Variants in ZNF622 observed in about 807,000 individuals in gnomAD.
ZNF622 encodes the protein zinc finger protein 622.
A neutral mutation model predicts 49.7 loss-of-function variants in ZNF622; 34 were observed. The observed-to-expected ratio is 0.68, with a 90% CI of 0.52 to 0.91. The LOEUF (loss-of-function observed/expected upper bound fraction) is 0.91. ZNF622 is among the 40% of genes least tolerant of loss of function. ZNF622 has a pLI of 0.00. For missense variants in ZNF622, 569 were observed against 616.4 expected (o/e 0.92, Z 0.81); for synonymous variants, 209 against 228.7 (o/e 0.91, Z 0.78).
chr5:16,458,255 TA>T (rs55760045), intron 4 of ZNF622, among the ~76,000 whole-genome samples: 24,384 of 119,144 alleles, frequency 0.2, 2,930 homozygotes, highest in African/African-American at 0.4. Context: ...GGTCTACATC[TA>T]AAAAAAAAAA....
chr5:16,457,536 C>A (rs1402705018), intron 4 of ZNF622, among the ~76,000 whole-genome samples: 2 of 152,164 alleles, frequency 1.3e-5, no homozygotes, highest in Non-Finnish European at 2.9e-5. Flanking sequence ...TCTGCCTGAC[C>A]TTTCCTCCTA....
chr5:16,463,212 G>A lies in ZNF622; in HGVS notation c.945C>T (p.Phe315=), dbSNP rs781595136. 1.2e-6 allele frequency: 2 copies of A among 1,613,504 alleles called. No homozygotes were observed. Among genetic ancestry groups the A allele is most frequent in the Non-Finnish European group, 8.5e-7 (1 of 1,179,962 alleles). ...GTGCCTGTACAGCTTCTGTGGAGTA[G>A]AAGGACTTCCCTTTCTCGTTGCACC... The part of the protein sequence containing the change: ...CLWCNEKGKS[F]YSTEAVQAHM... The change falls in exon 3 of 6, where the codon TTC becomes TTT. Residue 315 remains phenylalanine, a synonymous_variant. Transcript: ENST00000308683. This position sits in a 1 kb window ranked among gnomAD's most constrained non-coding sequence, Gnocchi z 4.2.
intron 4 of ZNF622, among the ~76,000 whole-genome samples, chr5:16,457,280 TA>T (rs1738042060): frequency 6.6e-6 from 1 of 152,220 alleles, no homozygotes; most frequent in Admixed American, 6.5e-5. Flanking sequence ...ACTTAAGGTC[TA>T]TGGTTATCTG....
At chr5:16,464,916 C>CCGG in intron 1 of ZNF622, 125 bp downstream of exon 1, 1 of 1,283,308 alleles carries the variant, frequency 7.8e-7, no homozygotes, top group Non-Finnish European at 1.1e-6. Flanking sequence ...TCTAAACCAC[C>CCGG]TTCCCTCATC....
intron 4 of ZNF622, among the ~76,000 whole-genome samples, chr5:16,454,428 C>A (rs968312653): frequency 1.6e-5 from 2 of 125,340 alleles, no homozygotes; most frequent in South Asian, 5.4e-4. Context: ...GCGGAGCTTG[C>A]GGTGAGCCAA....
rs778641976 is a variant in ZNF622, at chr5:16,463,435, CAAT to C, written c.886+44_886+46del. 7 of 1,562,212 alleles carry C rather than the reference CAAT, an allele frequency of 4.5e-6. No individual in the cohort carries two copies. In the Admixed American group the frequency reaches 5.4e-5, roughly 12 times the overall value. On this transcript the variant is annotated intron_variant, in intron 2 of 5. Transcript: ENST00000308683. This position sits in a 1 kb window ranked among gnomAD's most constrained non-coding sequence, Gnocchi z 4.2. ...TAATGTTCCCTTGAGACCAGTCCCC[CAAT>C]AATGTGATTATTTCCTCATTAAAAG...
intron 4 of ZNF622, among the ~76,000 whole-genome samples, chr5:16,453,533 G>GTT (rs1420046004): frequency 7.6e-6 from 1 of 131,962 alleles, no homozygotes; most frequent in Non-Finnish European, 1.6e-5. Flanking sequence ...GATTTTTAGC[G>GTT]TTTTATATAT....
intron 1 of ZNF622, among the ~76,000 whole-genome samples, chr5:16,464,261 C>T (rs144920706): frequency 4.6e-5 from 7 of 152,180 alleles, no homozygotes; most frequent in Admixed American, 1.3e-4. Flanking sequence ...AAGCACTAAT[C>T]CTGAATAAAT....
chr5:16,458,045 G>T (rs2126492133), intron 4 of ZNF622, among the ~76,000 whole-genome samples: 1 of 151,922 alleles, frequency 6.6e-6, no homozygotes, highest in Admixed American at 6.5e-5. Context: ...CACATTCATG[G>T]TTATTCTTCA....
chr5:16,454,488 C>CAG (rs750911826), intron 4 of ZNF622, among the ~76,000 whole-genome samples: 4 of 66,714 alleles, frequency 6.0e-5, no homozygotes, highest in African/African-American at 1.9e-4. Context: ...ACTCCGTCTC[C>CAG]AAAAAAAAAA....
At chr5:16,458,674 T>C in intron 3 of ZNF622, 45 bp from the exon 4 acceptor site, 1 of 1,392,670 alleles carries the variant, frequency 7.2e-7, no homozygotes, top group South Asian at 1.3e-5. Flanking sequence ...ATATCTCAAA[T>C]TGAACTAAAA....
chr5:16,461,864 G>A (rs1332468860), intron 3 of ZNF622, among the ~76,000 whole-genome samples: 2 of 152,184 alleles, frequency 1.3e-5, no homozygotes, highest in Non-Finnish European at 2.9e-5. Context: ...AAATCTATGA[G>A]ACTGGGTAGG....
intron 4 of ZNF622, among the ~76,000 whole-genome samples, chr5:16,454,653 G>T (rs975428549): frequency 6.6e-6 from 1 of 152,144 alleles, no homozygotes; most frequent in Non-Finnish European, 1.5e-5. Flanking sequence ...TAATCTAGGG[G>T]TGGCAAACTA....
chr5:16,463,475 T>C lies in ZNF622; in HGVS notation c.886+7A>G. 6.2e-7 allele frequency: 1 copy of C among 1,608,910 alleles called. No individual in the cohort carries two copies. Among genetic ancestry groups the C allele is most frequent in the Non-Finnish European group, 8.5e-7 (1 of 1,176,042 alleles). ...TTCCTCATTAAAAGGAAAACTATTG[T>C]ACTTACCCAAGTATTTAATCAGTCC... On this transcript the variant is annotated splice_region_variant and intron_variant, in intron 2 of 5. Transcript: ENST00000308683. This position sits in a 1 kb window ranked among gnomAD's most constrained non-coding sequence, Gnocchi z 4.2.
rs1738149548 is a variant in ZNF622, at chr5:16,463,171, C to A, written c.986G>T (p.Ser329Ile). The A allele has an allele frequency of 6.2e-7, 1 of 1,614,008 alleles. No homozygotes were observed. The highest frequency in any genetic ancestry group is 1.7e-4 in the Middle Eastern group (1 of 6,058). ...GCCATCTGTGAAGAGCTTACAGTGG[C>A]TTTTGTCATTCATATGTGCCTGTAC... is the stretch of plus-strand genomic sequence containing the variant. ...EAVQAHMNDK[S>I]HCKLFTDGDA... Residue 329 changes from serine (S) to isoleucine (I), a missense_variant, in exon 3 of 6, where the codon AGC becomes ATC. Physicochemically the swap from Ser to Ile is moderately radical, Grantham distance 142 (BLOSUM62 -2). Coordinates refer to ENST00000308683, the MANE Select transcript of ZNF622 (RefSeq NM_033414.3). This position sits in a 1 kb window ranked among gnomAD's most constrained non-coding sequence, Gnocchi z 4.2.
chr5:16,455,871 C>T (rs1459940332), intron 4 of ZNF622, among the ~76,000 whole-genome samples: 1 of 152,162 alleles, frequency 6.6e-6, no homozygotes. Context: ...TCAGAGCTCC[C>T]CCTACCCTGT....
intron 4 of ZNF622, among the ~76,000 whole-genome samples, chr5:16,456,155 TG>T (rs1321201578): frequency 6.6e-6 from 1 of 152,166 alleles, no homozygotes; most frequent in Non-Finnish European, 1.5e-5. Context: ...TGGAGTGCAG[TG>T]GCGTGATCAT....
chr5:16,454,343 C>A (rs1336225286), intron 4 of ZNF622, among the ~76,000 whole-genome samples: 1 of 151,852 alleles, frequency 6.6e-6, no homozygotes, highest in Non-Finnish European at 1.5e-5. Flanking sequence ...AAAAAATTAG[C>A]CGGGCGTGGT....
chr5:16,463,739 C>G lies in ZNF622; in HGVS notation c.629G>C (p.Trp210Ser), dbSNP rs1220666831. The G allele has an allele frequency of 6.2e-7, 1 of 1,610,196 alleles. No individual in the cohort carries two copies. The highest frequency in any genetic ancestry group is 8.5e-7 in the Non-Finnish European group (1 of 1,178,008). Residue 210 changes from tryptophan to serine, a missense_variant, in exon 2 of 6, where the codon TGG (tryptophan) becomes TCG (serine). By Grantham distance (177) the Trp-to-Ser change is radical (BLOSUM62 -3). Transcript: ENST00000308683. This position sits in a 1 kb window ranked among gnomAD's most constrained non-coding sequence, Gnocchi z 4.2. ...TTCTTCATCAGAATCAATATCTTCCCAATCTGCAAGCCAGAATTTTGAAAT... is the reference window on the plus strand; with the variant it reads ...TTCTTCATCAGAATCAATATCTTCCGAATCTGCAAGCCAGAATTTTGAAAT... ...EEEEDLDGDD[W>S]EDIDSDEELE...
Sources: allele counts gnomAD v4.1 joint callset (sites outside exome capture counted in the v4.1 genomes callset), GRCh38; gene constraint gnomAD v4.1.1; non-coding constraint Gnocchi (gnomAD v3.1); transcripts MANE v1.5; gene names NCBI Gene and HGNC (gene_info 2026-07-23, HGNC 2026-07-21).